The following ELAVL2 variants were observed in gnomAD, a reference collection of about 807,000 sequenced individuals.
ELAVL2 encodes ELAV like RNA binding protein 2.
In ELAVL2, 4 loss-of-function variants were observed where a neutral mutation model predicts 34.6. The observed-to-expected ratio is 0.12, with a 90% CI of 0.06 to 0.26. The LOEUF (loss-of-function observed/expected upper bound fraction) is 0.26. ELAVL2 is among the 10% of genes least tolerant of loss of function. ELAVL2 has a pLI of 1.00. For synonymous variants in ELAVL2, 193 were observed against 154.8 expected (o/e 1.25, Z -1.83); for missense variants, 432 against 442.8 (o/e 0.98, Z 0.22).
rs560894793 is a variant in ELAVL2, at chr9:23,717,503, T to C, written c.334-12432A>G. The stretch of plus-strand genomic sequence containing the variant: ...TACTTGATAGAATAAGTATACTTTA[T>C]GGTGTTCAGATGTAAGCTTCTCCTA... On this transcript the variant is annotated intron_variant, in intron 3 of 6. Coordinates refer to ENST00000397312, the MANE Select transcript of ELAVL2 (RefSeq NM_004432.5). 2.0e-5 allele frequency among the ~76,000 whole-genome samples: 3 copies of C among 152,362 alleles called. No individual in the cohort carries two copies. In the South Asian group the frequency reaches 6.2e-4, roughly 32 times the overall value.
chr9:23,771,792 G>T (rs1046473526), intron 1 of ELAVL2, among the ~76,000 whole-genome samples: 1 of 152,140 alleles, frequency 6.6e-6, no homozygotes, highest in African/African-American at 2.4e-5. Flanking sequence ...TGTAAAATGG[G>T]AGTAAACTTT....
chr9:23,708,981 TG>T (rs1318506930), intron 3 of ELAVL2, among the ~76,000 whole-genome samples: 18 of 152,160 alleles, frequency 1.2e-4, no homozygotes, highest in Admixed American at 1.3e-4. Context: ...AAAAGAGAAG[TG>T]GCCACTAATT....
At chr9:23,746,885 T>C (rs1156506225) in intron 2 of ELAVL2, among the ~76,000 whole-genome samples, 1 of 150,930 alleles carries the variant, frequency 6.6e-6, no homozygotes, top group African/African-American at 2.4e-5. Flanking sequence ...ATATTAATCA[T>C]CAAATGAAAT....
intron 1 of ELAVL2, among the ~76,000 whole-genome samples, chr9:23,810,767 A>G (rs1213212566): frequency 6.6e-6 from 1 of 152,124 alleles, no homozygotes; most frequent in Admixed American, 6.5e-5. Context: ...CTCACCTATA[A>G]AACATCATTC....
chr9:23,748,361 T>C (rs1285650691), intron 2 of ELAVL2, among the ~76,000 whole-genome samples: 2 of 152,152 alleles, frequency 1.3e-5, no homozygotes, highest in Non-Finnish European at 2.9e-5. Flanking sequence ...ACACACTGTG[T>C]CCTGTGTCCC....
chr9:23,711,506 C>T (rs538110163), intron 3 of ELAVL2, among the ~76,000 whole-genome samples: 8 of 152,246 alleles, frequency 5.3e-5, no homozygotes, highest in South Asian at 2.1e-4. Flanking sequence ...ACAAAACCTT[C>T]GGTAGTATTC....
intron 1 of ELAVL2, among the ~76,000 whole-genome samples, chr9:23,815,080 T>C (rs1185573996): frequency 6.6e-6 from 1 of 152,194 alleles, no homozygotes; most frequent in Non-Finnish European, 1.5e-5. Context: ...TGTATTTCTA[T>C]GTAAACTCCA....
the ELAVL2 span, among the ~76,000 whole-genome samples, chr9:23,847,659 GA>G: frequency 6.6e-6 from 1 of 151,838 alleles, no homozygotes; most frequent in Non-Finnish European, 1.5e-5. Context: ...GTATTTTGTA[GA>G]AAAAAATTGG....
chr9:23,800,081 A>G (rs1346099838), intron 1 of ELAVL2, among the ~76,000 whole-genome samples: 1 of 152,226 alleles, frequency 6.6e-6, no homozygotes. Flanking sequence ...TAACCTCATT[A>G]AGGCAAGTTT....
At chr9:23,831,523 G>C in the ELAVL2 span, 5 of 152,254 alleles carry the variant, frequency 3.3e-5, no homozygotes, top group Non-Finnish European at 7.3e-5. Flanking sequence ...AGCGGCTAGA[G>C]AAACAGCTGT....
At position 23,701,479 on chromosome 9, in the gene ELAVL2, T is replaced by C; in HGVS notation, c.613A>G (p.Asn205Asp). 1 of 1,614,094 alleles carries C rather than the reference T, an allele frequency of 6.2e-7. No homozygotes were observed. Among genetic ancestry groups the C allele is most frequent in the Non-Finnish European group, 8.5e-7 (1 of 1,179,996 alleles). ...GCCTGATTGGTTTTTTGGCTTGGGT[T>C]ATTAGCAAACTTTACAGTGATTGGC... is the stretch of plus-strand genomic sequence containing the variant. The part of the protein sequence containing the change: ...TEPITVKFAN[N>D]PSQKTNQAIL... The change falls in exon 5 of 7, where the codon AAC becomes GAC. Residue 205 changes from asparagine (N) to aspartate (D), a missense_variant. Physicochemically the swap from Asn to Asp is conservative, Grantham distance 23. Coordinates refer to ENST00000397312, the MANE Select transcript of ELAVL2 (RefSeq NM_004432.5).
intron 3 of ELAVL2, among the ~76,000 whole-genome samples, chr9:23,729,958 C>T (rs930890026): frequency 6.6e-6 from 1 of 152,136 alleles, no homozygotes; most frequent in Admixed American, 6.6e-5. Context: ...AACTTCCCCT[C>T]ACCACTTCAG....
At chr9:23,831,461 G>C in the ELAVL2 span, 12 of 152,306 alleles carry the variant, frequency 7.9e-5, no homozygotes, top group African/African-American at 2.9e-4. Context: ...ACCGGGCCAC[G>C]GTGACAAAGG....
At chr9:23,803,108 A>G (rs2061769328) in intron 1 of ELAVL2, among the ~76,000 whole-genome samples, 1 of 152,138 alleles carries the variant, frequency 6.6e-6, no homozygotes. Flanking sequence ...TAAACCTTAG[A>G]ACAGCTTCCA....
the ELAVL2 span, among the ~76,000 whole-genome samples, chr9:23,832,896 C>A: frequency 2.6e-5 from 4 of 151,990 alleles, no homozygotes; most frequent in Admixed American, 6.6e-5. Context: ...ATTTTAGCAA[C>A]TATTAAACTA....
chr9:23,705,032 C>A lies in ELAVL2; in HGVS notation c.373G>T (p.Ala125Ser), dbSNP rs1587405213. 1 of 1,614,074 alleles carries A rather than the reference C, an allele frequency of 6.2e-7. No individual in the cohort carries two copies. Among genetic ancestry groups the A allele is most frequent in the Non-Finnish European group, 8.5e-7 (1 of 1,179,978 alleles). Residue 125 changes from alanine to serine, a missense_variant, in exon 4 of 7, where the codon GCA (alanine) becomes TCA (serine). Physicochemically the swap from Ala to Ser is moderately conservative, Grantham distance 99. Around this residue, in one of 3 missense-constraint regions of ELAVL2, gnomAD observed 295 missense variants for 306.1 expected, o/e 0.96. Transcript: ENST00000397312. ...GGAAGTCCGCTGACATATAAATTTG[C>A]ATCTCTGATAGAAGCTGAACTTGGG... ...ARPSSASIRD[A>S]NLYVSGLPKT...
chr9:23,753,970 C>G (rs1237636743), intron 2 of ELAVL2, among the ~76,000 whole-genome samples: 6 of 152,142 alleles, frequency 3.9e-5, no homozygotes, highest in Non-Finnish European at 8.8e-5. Flanking sequence ...TCCTAATCTA[C>G]TGGTAAGGCA....
intron 3 of ELAVL2, among the ~76,000 whole-genome samples, chr9:23,728,899 C>T (rs376648429): frequency 1.7e-4 from 26 of 152,018 alleles, no homozygotes; most frequent in South Asian, 4.1e-4. Context: ...CAAATAGGGG[C>T]GGGGAAAGAA....
chr9:23,735,104 T>TAAAAAAAAAAAAAA (rs1178542473), intron 2 of ELAVL2: 1 of 2,882 alleles, frequency 3.5e-4, no homozygotes, highest in Non-Finnish European at 7.7e-4. Context: ...CTAAGGCTCT[T>TAAAAAAAAAAAAAA]CAAAAAAAAA....
Sources: allele counts gnomAD v4.1 joint callset (sites outside exome capture counted in the v4.1 genomes callset), GRCh38; gene constraint gnomAD v4.1.1; regional missense constraint gnomAD v4.1.1; transcripts MANE v1.5; gene names NCBI Gene and HGNC (gene_info 2026-07-23, HGNC 2026-07-21).